The following IRF2 variants were observed in gnomAD, a reference collection of about 807,000 sequenced individuals.
IRF2 encodes interferon regulatory factor 2.
A neutral mutation model predicts 40.6 loss-of-function variants in IRF2; 15 were observed. That is an observed-to-expected ratio of 0.37 (90% confidence interval 0.25 to 0.57). The LOEUF (loss-of-function observed/expected upper bound fraction) is 0.57, where lower values mean the gene tolerates loss of function less well. Among genes scored for constraint, IRF2 ranks in the 20% least tolerant of loss-of-function variants. IRF2 has a pLI of 0.77. For missense variants in IRF2, 317 were observed against 455.7 expected (o/e 0.70, Z 2.77); for synonymous variants, 151 against 165.5 (o/e 0.91, Z 0.67).
intron 5 of IRF2, among the ~76,000 whole-genome samples, chr4:184,411,121 G>GATC (rs1737058135): frequency 6.6e-6 from 1 of 150,644 alleles, no homozygotes; most frequent in Non-Finnish European, 1.5e-5. Context: ...GCAATGGCGT[G>GATC]ATCTTGGCTC....
chr4:184,393,879 G>A lies in IRF2; in HGVS notation c.695-3130C>T, dbSNP rs577043802. Among the ~76,000 whole-genome samples, 11 of 152,252 alleles carry A rather than the reference G, an allele frequency of 7.2e-5. No homozygotes were observed. In the East Asian group the frequency reaches 1.2e-3, roughly 16 times the overall value. On this transcript the variant is annotated intron_variant, in intron 7 of 8. Coordinates refer to ENST00000393593, the MANE Select transcript of IRF2 (RefSeq NM_002199.4). ...CCAAGTGCTTTGTTGGATGCACTGC[G>A]CCCCGTGTCCTCTGTTTCCTTGGTT...
At position 184,407,328 on chromosome 4, in the gene IRF2, C is replaced by T. The variant is rs558253641; in HGVS notation, c.529+830G>A. The T allele has an allele frequency of 3.6e-6, 4 of 1,097,408 alleles. No individual in the cohort carries two copies. In the Admixed American group the frequency reaches 1.2e-4, roughly 32 times the overall value. The allele number at this position is 1,097,408 out of a possible 1,614,324, so 68.0% of individuals were successfully genotyped here. On this transcript the variant is annotated intron_variant, in intron 6 of 8. Coordinates refer to ENST00000393593, the MANE Select transcript of IRF2 (RefSeq NM_002199.4). ...AAAAGGAGTTTTTTCTTCTCCTTCC[C>T]CTTAAAGGGAAAGCAGGCTGAGGTC...
chr4:184,435,070 C>CTTT (rs1347103994), intron 1 of IRF2, among the ~76,000 whole-genome samples: 6 of 152,168 alleles, frequency 3.9e-5, no homozygotes, highest in African/African-American at 1.4e-4. Context: ...AATAAAAAAC[C>CTTT]TAGGGTTTTC....
intron 1 of IRF2, among the ~76,000 whole-genome samples, chr4:184,464,078 G>A (rs778974008): frequency 3.9e-5 from 6 of 152,172 alleles, no homozygotes; most frequent in Non-Finnish European, 8.8e-5. Flanking sequence ...TATAGGACAT[G>A]AAGATAGGGA....
At chr4:184,456,864 G>A (rs917864688) in intron 1 of IRF2, among the ~76,000 whole-genome samples, 1 of 152,232 alleles carries the variant, frequency 6.6e-6, no homozygotes, top group Admixed American at 6.5e-5. Context: ...TGGAGACGGT[G>A]AAATACTGAA....
chr4:184,425,403 A>C (rs1371721475), intron 2 of IRF2, among the ~76,000 whole-genome samples: 1 of 152,258 alleles, frequency 6.6e-6, no homozygotes, highest in Non-Finnish European at 1.5e-5. Context: ...GCCTGCAGTG[A>C]CAGTGATGGC....
intron 1 of IRF2, among the ~76,000 whole-genome samples, chr4:184,467,902 T>C (rs984535945): frequency 6.6e-6 from 1 of 152,248 alleles, no homozygotes; most frequent in Non-Finnish European, 1.5e-5. Context: ...GACAGGCTTT[T>C]ATCACACAAA....
chr4:184,469,693 A>G (rs1425162064), intron 1 of IRF2, among the ~76,000 whole-genome samples: 1 of 152,218 alleles, frequency 6.6e-6, no homozygotes, highest in Non-Finnish European at 1.5e-5. Context: ...GAAAAAGGAT[A>G]CATGAAGTCT....
chr4:184,459,137 G>T (rs1739043877), intron 1 of IRF2, among the ~76,000 whole-genome samples: 1 of 151,978 alleles, frequency 6.6e-6, no homozygotes, highest in African/African-American at 2.4e-5. Flanking sequence ...AGCAGACAGA[G>T]CAGCCGCAAT....
At chr4:184,446,149 C>A (rs551902424) in intron 1 of IRF2, among the ~76,000 whole-genome samples, 2 of 152,200 alleles carry the variant, frequency 1.3e-5, no homozygotes, top group Admixed American at 6.5e-5. Flanking sequence ...AGGAACCAAC[C>A]CTGCCCATAC....
intron 5 of IRF2, among the ~76,000 whole-genome samples, chr4:184,416,164 A>T (rs74580171): frequency 0.068 from 10,338 of 152,088 alleles, 457 homozygotes; most frequent in Middle Eastern, 0.12. Context: ...AAATTTTTTT[A>T]AATTATCCAT....
intron 1 of IRF2, among the ~76,000 whole-genome samples, chr4:184,455,260 T>TCCCCCC (rs1561125295): frequency 1.5e-5 from 1 of 67,298 alleles, no homozygotes; most frequent in African/African-American, 5.6e-5. Context: ...CCCTCCCCCT[T>TCCCCCC]CCCTCCCTCT....
chr4:184,455,895 C>G (rs1738907454), intron 1 of IRF2, among the ~76,000 whole-genome samples: 1 of 152,188 alleles, frequency 6.6e-6, no homozygotes, highest in African/African-American at 2.4e-5. Context: ...CGCTGTGTGC[C>G]AAGCATTATC....
intron 2 of IRF2, among the ~76,000 whole-genome samples, chr4:184,426,975 T>C (rs1464179096): frequency 6.6e-6 from 1 of 152,238 alleles, no homozygotes; most frequent in East Asian, 1.9e-4. Flanking sequence ...GAACGTGAGC[T>C]AATGCATGTA....
At chr4:184,458,176 C>T (rs1030763341) in intron 1 of IRF2, among the ~76,000 whole-genome samples, 2 of 152,142 alleles carry the variant, frequency 1.3e-5, no homozygotes, top group African/African-American at 4.8e-5. Flanking sequence ...TGGTCAAAGA[C>T]GTAATTCTTA....
intron 1 of IRF2, among the ~76,000 whole-genome samples, chr4:184,468,551 G>C (rs1210939957): frequency 6.6e-6 from 1 of 152,156 alleles, no homozygotes; most frequent in East Asian, 1.9e-4. Context: ...ATTTCTGTAT[G>C]GCAAGCAAGG....
At chr4:184,467,873 C>T (rs776421678) in intron 1 of IRF2, among the ~76,000 whole-genome samples, 1 of 152,182 alleles carries the variant, frequency 6.6e-6, no homozygotes, top group Non-Finnish European at 1.5e-5. Flanking sequence ...TCTCAAAAAT[C>T]GTCATTTAAT....
intron 7 of IRF2, among the ~76,000 whole-genome samples, chr4:184,396,755 G>A (rs571104197): frequency 2.0e-5 from 3 of 152,026 alleles, no homozygotes; most frequent in Non-Finnish European, 2.9e-5. Flanking sequence ...TTTTAAAAAC[G>A]GGATGATGAC....
At chr4:184,467,814 G>A (rs1332622592) in intron 1 of IRF2, among the ~76,000 whole-genome samples, 1 of 152,212 alleles carries the variant, frequency 6.6e-6, no homozygotes, top group Admixed American at 6.5e-5. Flanking sequence ...ACAGTGTTAA[G>A]TATGCCCAAA....
Sources: allele counts gnomAD v4.1 joint callset (sites outside exome capture counted in the v4.1 genomes callset), GRCh38; gene constraint gnomAD v4.1.1; transcripts MANE v1.5; gene names NCBI Gene and HGNC (gene_info 2026-07-23, HGNC 2026-07-21).